The following WWP1 variants were observed in gnomAD, a reference collection of about 807,000 sequenced individuals.
WWP1 encodes NEDD4-like E3 ubiquitin-protein ligase WWP1.
WWP1 carries 49 observed loss-of-function variants against 130.6 expected under a neutral mutation model. The ratio of observed to expected loss-of-function variants is 0.38; its 90% CI spans 0.30 to 0.48. The LOEUF is 0.48. Among genes scored for constraint, WWP1 ranks in the 20% least tolerant of loss-of-function variants. The pLI, the probability that WWP1 is intolerant of heterozygous loss-of-function variation, is 0.99. For synonymous variants in WWP1, 332 were observed against 367.8 expected, an observed-to-expected ratio of 0.90 and a Z score of 1.11; for missense variants, 809 against 1,100.6, an observed-to-expected ratio of 0.74 and a Z score of 3.75.
At chr8:86,442,862 G>T in intron 18 of WWP1, 84 bp downstream of exon 18, 1 of 1,319,460 alleles carries the variant, frequency 7.6e-7, no homozygotes, top group Non-Finnish European at 1.0e-6. Flanking sequence ...AAAAGGATAA[G>T]CATTATATTT....
intron 17 of WWP1, 109 bp downstream of exon 17, chr8:86,438,782 C>T: frequency 3.3e-6 from 3 of 915,486 alleles, no homozygotes; most frequent in Non-Finnish European, 4.6e-6. Flanking sequence ...TTTGAATTAA[C>T]AATCCAGAAT....
intron 1 of WWP1, among the ~76,000 whole-genome samples, chr8:86,348,568 C>A (rs12156004): frequency 0.15 from 22,360 of 152,130 alleles, 1,795 homozygotes; most frequent in Non-Finnish European, 0.19. Context: ...TACTGGCGTA[C>A]CTACTATGTG....
At chr8:86,360,017 C>A (rs1823485092) in intron 1 of WWP1, among the ~76,000 whole-genome samples, 1 of 151,796 alleles carries the variant, frequency 6.6e-6, no homozygotes, top group South Asian at 2.1e-4. Context: ...CCACTGCACT[C>A]CAGCCTGGGC....
intron 21 of WWP1, among the ~76,000 whole-genome samples, chr8:86,454,082 A>G (rs2130762772): frequency 6.6e-6 from 1 of 152,216 alleles, no homozygotes; most frequent in East Asian, 1.9e-4. Context: ...ATCTCTCAGT[A>G]TCTGTGGGAG....
intron 7 of WWP1, among the ~76,000 whole-genome samples, chr8:86,399,190 A>G (rs1398185252): frequency 6.6e-6 from 1 of 152,208 alleles, no homozygotes; most frequent in Non-Finnish European, 1.5e-5. Flanking sequence ...TTTTATGAGT[A>G]CAGTCAGATA....
In WWP1 at chr8:86,398,343, G is replaced by T. The variant is rs371652309; in HGVS notation, c.336G>T (p.Leu112Phe). ...AAATTAGAATATTCTTCTTTCTAGTGGAAAGAGTGAAAGAACAATTAAAAC... is the reference window on the plus strand; with the variant it reads ...AAATTAGAATATTCTTCTTTCTAGTTGAAAGAGTGAAAGAACAATTAAAAC... ...KQALLIHNRK[L>F]ERVKEQLKLS... Residue 112 changes from leucine to phenylalanine, a missense_variant and splice_region_variant, in exon 6 of 25, where the codon TTG becomes TTT. Around this residue, in one of 3 missense-constraint regions of WWP1, gnomAD observed 262 missense variants for 346.0 expected, o/e 0.76. Coordinates refer to ENST00000517970, the MANE Select transcript of WWP1 (RefSeq NM_007013.4). 6.3e-7 allele frequency: 1 copy of T among 1,586,804 alleles called. No individual in the cohort carries two copies. Among genetic ancestry groups the T allele is most frequent in the African/African-American group, 1.4e-5 (1 of 73,960 alleles).
At chr8:86,355,025 A>G (rs1439409928) in intron 1 of WWP1, among the ~76,000 whole-genome samples, 1 of 152,156 alleles carries the variant, frequency 6.6e-6, no homozygotes, top group East Asian at 1.9e-4. Context: ...ACTCAGGTTA[A>G]ATATGCACAA....
rs1807815322 is a variant in WWP1, at chr8:86,398,767, T to C, written c.539+129T>C. 3 of 948,698 alleles carry C rather than the reference T, an allele frequency of 3.2e-6. No individual in the cohort carries two copies. In the African/African-American group the frequency reaches 5.0e-5, roughly 16 times the overall value. The allele number at this position is 948,698 out of a possible 1,614,324, so 58.8% of individuals were successfully genotyped here. On this transcript the variant is annotated intron_variant, in intron 7 of 24. Transcript: ENST00000517970. The stretch of plus-strand genomic sequence containing the variant: ...AGAAGCTTATGTCTAAGCATGTCAT[T>C]TGGTTAATTCTTGTGAAAGTAGCTT...
Position 86,468,437 on chromosome 8 carries a change from A to C in WWP1, c.*1544A>C, listed in dbSNP as rs1812286144. ...TAATTTTCAAGCCTAAAGAATTAAA[A>C]AAAAAATTCTAATGTATGTGACAGG... On this transcript the variant is annotated 3_prime_UTR_variant, in exon 25 of 25. Coordinates refer to ENST00000517970, the MANE Select transcript of WWP1 (RefSeq NM_007013.4). 4.6e-6 allele frequency: 2 copies of C among 438,826 alleles called. No individual in the cohort carries two copies. The highest frequency in any genetic ancestry group is 9.0e-6 in the Non-Finnish European group (2 of 222,852). The allele number at this position is 438,826 out of a possible 1,614,324, so 27.2% of individuals were successfully genotyped here. A position where few individuals can be genotyped will look rare whatever the true frequency, so the allele number is the denominator to read the frequency against.
intron 1 of WWP1, among the ~76,000 whole-genome samples, chr8:86,366,677 G>T (rs1823990774): frequency 6.6e-6 from 1 of 152,110 alleles, no homozygotes; most frequent in Non-Finnish European, 1.5e-5. Flanking sequence ...TACATCAAGA[G>T]AGCTGTCTAG....
At chr8:86,417,362 TG>T (rs1808945369) in intron 9 of WWP1, 1 of 152,222 alleles carries the variant, frequency 6.6e-6, no homozygotes, top group African/African-American at 2.4e-5. Flanking sequence ...TGTAGAAATT[TG>T]CCTACTCCTT....
intron 9 of WWP1, among the ~76,000 whole-genome samples, chr8:86,415,684 A>G (rs77852703): frequency 0.025 from 3,865 of 152,318 alleles, 72 homozygotes; most frequent in Non-Finnish European, 0.041. Flanking sequence ...GGCAATCAAT[A>G]TTCTAATTTT....
At chr8:86,362,065 TATATATACACATATATACACAC>T (rs1823666145) in intron 1 of WWP1, among the ~76,000 whole-genome samples, 1 of 136,634 alleles carries the variant, frequency 7.3e-6, no homozygotes, top group Non-Finnish European at 1.6e-5. Context: ...TATACACACA[TATATATACACATATATACACAC>T]ATATATATAT....
chr8:86,345,939 G>A (rs1449307253), intron 1 of WWP1, among the ~76,000 whole-genome samples: 1 of 152,222 alleles, frequency 6.6e-6, no homozygotes, highest in Non-Finnish European at 1.5e-5. Context: ...GGTGGGTAAA[G>A]TGGAATCAGG....
At chr8:86,424,281 C>A (rs1206717004) in intron 9 of WWP1, among the ~76,000 whole-genome samples, 5 of 150,336 alleles carry the variant, frequency 3.3e-5, no homozygotes, top group Non-Finnish European at 7.4e-5. Context: ...ACTTCCTGGA[C>A]AGGATGGCGG....
intron 5 of WWP1, among the ~76,000 whole-genome samples, chr8:86,398,050 T>C (rs1807775843): frequency 6.6e-6 from 1 of 152,204 alleles, no homozygotes; most frequent in African/African-American, 2.4e-5. Flanking sequence ...ACAAGAGTCA[T>C]CTGTGGTACC....
chr8:86,453,689 T>C (rs1586499524), intron 21 of WWP1, among the ~76,000 whole-genome samples: 1 of 152,306 alleles, frequency 6.6e-6, no homozygotes, highest in Middle Eastern at 3.4e-3. Flanking sequence ...TCCACATCTT[T>C]CCCAACATTT....
intron 8 of WWP1, among the ~76,000 whole-genome samples, chr8:86,410,663 T>G (rs1003862149): frequency 6.6e-6 from 1 of 151,810 alleles, no homozygotes; most frequent in African/African-American, 2.4e-5. Context: ...TTCTGATCTT[T>G]TTTTTGGGTC....
rs1251258899 is a variant in WWP1, at chr8:86,423,630, A to G, written c.1062-1593A>G. On this transcript the variant is annotated intron_variant, in intron 9 of 24. Transcript: ENST00000517970. The stretch of plus-strand genomic sequence containing the variant: ...GTCTCCTATGTCTACTTCTTTCTAC[A>G]CAGACACAGCAACAATCTGATTTCT... 2.0e-5 allele frequency among the ~76,000 whole-genome samples: 3 copies of G among 152,284 alleles called. No individual in the cohort carries two copies. In the East Asian group the frequency reaches 5.8e-4, roughly 29 times the overall value.
Sources: gnomAD v4.1 joint callset for allele counts (sites outside exome capture counted in the v4.1 genomes callset) on GRCh38, gnomAD v4.1.1 for gene constraint, gnomAD v4.1.1 regional missense constraint, MANE v1.5 for transcripts, NCBI Gene and HGNC (gene_info 2026-07-23, HGNC 2026-07-21) for gene names.